SAMD12: variants seen among roughly 807,000 people sequenced by gnomAD.
The protein encoded by SAMD12 is sterile alpha motif domain-containing protein 12.
SAMD12 carries 9 observed loss-of-function variants against 15.0 expected under a neutral mutation model. The observed-to-expected ratio is 0.60, with a 90% CI of 0.36 to 1.05. The LOEUF (loss-of-function observed/expected upper bound fraction) is 1.05, where lower values mean the gene tolerates loss of function less well. Among genes scored for constraint, SAMD12 ranks in the 50% least tolerant of loss-of-function variants. SAMD12 has a pLI of 0.01. For missense variants in SAMD12, 230 were observed against 234.2 expected, an observed-to-expected ratio of 0.98 and a Z score of 0.12; for synonymous variants, 86 against 90.1, an observed-to-expected ratio of 0.96 and a Z score of 0.25.
At chr8:118,551,613 A>G (rs1826337371) in intron 2 of SAMD12, among the ~76,000 whole-genome samples, 1 of 152,004 alleles carries the variant, frequency 6.6e-6, no homozygotes, top group African/African-American at 2.4e-5. Flanking sequence ...CACAACTAAA[A>G]GAACTAGAAA....
At chr8:118,432,770 C>G (rs4631494) in intron 3 of SAMD12, among the ~76,000 whole-genome samples, 88,464 of 151,708 alleles carry the variant, frequency 0.58, 26,723 homozygotes, top group Admixed American at 0.66. Context: ...TGACATTTGA[C>G]AACCCTTGAA....
intron 4 of SAMD12, among the ~76,000 whole-genome samples, chr8:118,251,989 A>G (rs1812831175): frequency 6.6e-6 from 1 of 152,118 alleles, no homozygotes. Flanking sequence ...ATAAATATCT[A>G]CATTTCCTTT....
chr8:118,583,239 T>C (rs1445533822), intron 1 of SAMD12, among the ~76,000 whole-genome samples: 1 of 152,128 alleles, frequency 6.6e-6, no homozygotes, highest in East Asian at 1.9e-4. Context: ...CCAACAACAA[T>C]GCCCACTTTA....
chr8:118,228,923 G>A (rs1029633551), intron 4 of SAMD12, among the ~76,000 whole-genome samples: 6 of 152,168 alleles, frequency 3.9e-5, no homozygotes, highest in African/African-American at 1.4e-4. Context: ...TAAGGAAACT[G>A]TGGTACATAT....
chr8:118,528,577 C>A (rs1470755791), intron 2 of SAMD12, among the ~76,000 whole-genome samples: 1 of 152,268 alleles, frequency 6.6e-6, no homozygotes, highest in Non-Finnish European at 1.5e-5. Flanking sequence ...TTTCTGGTTA[C>A]TCAATTTTGA....
At chr8:118,493,714 G>C (rs1479075465) in intron 2 of SAMD12, among the ~76,000 whole-genome samples, 1 of 152,188 alleles carries the variant, frequency 6.6e-6, no homozygotes, top group African/African-American at 2.4e-5. Flanking sequence ...CCCACAAGTT[G>C]AAGGTCACAT....
At chr8:118,178,137 A>G in the SAMD12 span, among the ~76,000 whole-genome samples, 1 of 152,258 alleles carries the variant, frequency 6.6e-6, no homozygotes, top group Non-Finnish European at 1.5e-5. Context: ...TTATAAGAAC[A>G]AATGGAAAAT....
chr8:118,376,664 C>T (rs116533958), downstream of SAMD12, among the ~76,000 whole-genome samples: 568 of 152,236 alleles, frequency 3.7e-3, 2 homozygotes, highest in African/African-American at 0.011. Flanking sequence ...GACAGCCCCA[C>T]GTGAGCCATG....
chr8:118,484,853 C>T (rs991818886), intron 2 of SAMD12, among the ~76,000 whole-genome samples: 1 of 152,178 alleles, frequency 6.6e-6, no homozygotes, highest in African/African-American at 2.4e-5. Flanking sequence ...ACTCTTCTTT[C>T]TCTTTGATTT....
intron 1 of SAMD12, among the ~76,000 whole-genome samples, chr8:118,615,404 G>C (rs1828215443): frequency 6.6e-6 from 1 of 152,088 alleles, no homozygotes; most frequent in Non-Finnish European, 1.5e-5. Context: ...GGCTGCAGGG[G>C]AGGGCCGGGA....
At chr8:118,477,952 T>A (rs1824007741) in intron 2 of SAMD12, among the ~76,000 whole-genome samples, 1 of 145,696 alleles carries the variant, frequency 6.9e-6, no homozygotes. Context: ...AGGTGGTGCT[T>A]GCAGTGAGCA....
downstream of SAMD12, among the ~76,000 whole-genome samples, chr8:118,186,989 G>T (rs139708390): frequency 1.3e-5 from 2 of 152,256 alleles, no homozygotes; most frequent in Non-Finnish European, 2.9e-5. Context: ...GTAAAATCTT[G>T]CAATGCTTTC....
intron 4 of SAMD12, among the ~76,000 whole-genome samples, chr8:118,268,882 G>T (rs531211738): frequency 6.6e-6 from 1 of 152,182 alleles, no homozygotes; most frequent in South Asian, 2.1e-4. Flanking sequence ...GTCTCTCCTG[G>T]AGCCTTGCTC....
the SAMD12 span, among the ~76,000 whole-genome samples, chr8:118,183,588 A>G: frequency 1.3e-5 from 2 of 152,226 alleles, no homozygotes; most frequent in Non-Finnish European, 2.9e-5. Flanking sequence ...TAACTGGGTT[A>G]GCTCTGTGAT....
intron 2 of SAMD12, among the ~76,000 whole-genome samples, chr8:118,463,315 C>T (rs1373501689): frequency 1.3e-5 from 2 of 151,856 alleles, no homozygotes. Flanking sequence ...AGCTGCTAGG[C>T]GCATGGTAAG....
chr8:118,497,952 T>C (rs1279420561), intron 2 of SAMD12, among the ~76,000 whole-genome samples: 2 of 151,270 alleles, frequency 1.3e-5, no homozygotes, highest in Admixed American at 1.3e-4. Flanking sequence ...CAAAATGAAA[T>C]TTTCAAAGGC....
At chr8:118,185,108 A>G (rs77557894), downstream of SAMD12, among the ~76,000 whole-genome samples, 152 of 152,294 alleles carry the variant, frequency 1.0e-3, 1 homozygote, top group East Asian at 0.027. Flanking sequence ...AACTGCTTCT[A>G]TAACACCTGG....
At chr8:118,418,612 G>A (rs896750989) in intron 3 of SAMD12, among the ~76,000 whole-genome samples, 1 of 151,988 alleles carries the variant, frequency 6.6e-6, no homozygotes, top group Non-Finnish European at 1.5e-5. Flanking sequence ...CCAGCTACTC[G>A]GGAGGCTGAG....
the SAMD12 span, among the ~76,000 whole-genome samples, chr8:118,156,213 C>A: frequency 5.9e-5 from 9 of 152,268 alleles, no homozygotes; most frequent in African/African-American, 1.7e-4. Context: ...CTGAGAGCAA[C>A]CCCTTTCATT....
Sources: allele counts gnomAD v4.1 joint callset (sites outside exome capture counted in the v4.1 genomes callset), GRCh38; gene constraint gnomAD v4.1.1; transcripts MANE v1.5; gene names NCBI Gene and HGNC (gene_info 2026-07-23, HGNC 2026-07-21).